PXDNL: variants seen among roughly 807,000 people sequenced by gnomAD.
PXDNL encodes peroxidasin like, also known as probable oxidoreductase PXDNL.
PXDNL carries 145 observed loss-of-function variants against 150.8 expected under a neutral mutation model. That is an observed-to-expected ratio of 0.96 (90% CI 0.84 to 1.10). The LOEUF (loss-of-function observed/expected upper bound fraction) is 1.10. Among genes scored for constraint, PXDNL ranks in the 50% least tolerant of loss-of-function variants. The pLI, the probability that PXDNL is intolerant of heterozygous loss-of-function variation, is 0.00. For synonymous variants in PXDNL, 757 were observed against 725.7 expected, an observed-to-expected ratio of 1.04 and a Z score of -0.69; for missense variants, 2,087 against 1,873.9, an observed-to-expected ratio of 1.11 and a Z score of -2.10.
At chr8:51,505,752 C>T (rs530899716) in intron 4 of PXDNL, among the ~76,000 whole-genome samples, 4 of 152,312 alleles carry the variant, frequency 2.6e-5, no homozygotes, top group East Asian at 1.9e-4. Flanking sequence ...AATCCTAGCA[C>T]ATGAAACAGA....
At chr8:51,642,674 G>A (rs1163736508) in intron 2 of PXDNL, among the ~76,000 whole-genome samples, 8 of 152,150 alleles carry the variant, frequency 5.3e-5, no homozygotes, top group East Asian at 1.9e-4. Context: ...TCAACATAGC[G>A]TTGGAAGTTC....
chr8:51,668,172 C>CTTTTTTT lies in PXDNL; in HGVS notation c.165-13413_165-13412insAAAAAAA, dbSNP rs765738861. ...CATAATACAAGGCTTCCTTCTCGCT[C>CTTTTTTT]TCTCTTTTTTTTTTTTTTTTTGAGA... On this transcript the variant is annotated intron_variant, in intron 1 of 22. Transcript: ENST00000356297. Among the ~76,000 whole-genome samples, 48 of 26,100 alleles carry CTTTTTTT rather than the reference C, an allele frequency of 1.8e-3. 1 individual carries two copies. The highest frequency in any genetic ancestry group is 7.3e-3 in the African/African-American group (35 of 4,794). The allele number at this position is 26,100 out of a possible 152,430, so 17.1% of individuals were successfully genotyped here. A position where few individuals can be genotyped will look rare whatever the true frequency, so the allele number is the denominator to read the frequency against.
chr8:51,608,098 CAAGCA>C (rs1813901200), intron 2 of PXDNL, among the ~76,000 whole-genome samples: 1 of 139,688 alleles, frequency 7.2e-6, no homozygotes, highest in South Asian at 2.2e-4. Flanking sequence ...AGCAAGCAAG[CAAGCA>C]AGCAAGCCGG....
intron 20 of PXDNL, 83 bp downstream of exon 20, chr8:51,345,750 A>G (rs1806131263): frequency 2.7e-6 from 2 of 737,610 alleles, no homozygotes; most frequent in Non-Finnish European, 4.6e-6. Context: ...TGTGGTCTCT[A>G]TTAAAAAAGA....
intron 20 of PXDNL, among the ~76,000 whole-genome samples, chr8:51,345,567 A>G (rs1806124190): frequency 6.6e-6 from 1 of 152,200 alleles, no homozygotes; most frequent in Admixed American, 6.5e-5. Flanking sequence ...CATTTAAGGG[A>G]TCAAAACTAG....
intron 1 of PXDNL, among the ~76,000 whole-genome samples, chr8:51,791,494 A>T (rs2037512889): frequency 6.6e-6 from 1 of 152,242 alleles, no homozygotes. Flanking sequence ...ACAGTCAGAG[A>T]GTACCCAGGG....
chr8:51,386,185 C>T (rs1489563414), intron 17 of PXDNL, among the ~76,000 whole-genome samples: 2 of 152,044 alleles, frequency 1.3e-5, no homozygotes, highest in Non-Finnish European at 2.9e-5. Context: ...CTCTGCCTCC[C>T]AGGTTCAAGC....
At chr8:51,329,833 A>T (rs762239126) in intron 21 of PXDNL, among the ~76,000 whole-genome samples, 1 of 152,178 alleles carries the variant, frequency 6.6e-6, no homozygotes, top group Non-Finnish European at 1.5e-5. Flanking sequence ...ATATAAAGAG[A>T]TTTACTATAA....
intron 14 of PXDNL, among the ~76,000 whole-genome samples, chr8:51,413,576 T>C (rs1354859265): frequency 6.6e-6 from 1 of 152,130 alleles, no homozygotes; most frequent in African/African-American, 2.4e-5. Context: ...CAATTTGTCA[T>C]CTTGGAGAAG....
chr8:51,534,044 GC>G (rs1811983903), intron 4 of PXDNL, among the ~76,000 whole-genome samples: 1 of 146,284 alleles, frequency 6.8e-6, no homozygotes, highest in Non-Finnish European at 1.5e-5. Flanking sequence ...AGCGAGGAGC[GC>G]CTCTTCCCCG....
chr8:51,355,661 T>C (rs1806484580), intron 19 of PXDNL, among the ~76,000 whole-genome samples: 1 of 152,198 alleles, frequency 6.6e-6, no homozygotes. Context: ...GCAAAGTCAA[T>C]TTTATCAGTA....
chr8:51,320,755 A>G (rs756164775), intron 22 of PXDNL, 29 bp downstream of exon 22: 5 of 1,372,414 alleles, frequency 3.6e-6, no homozygotes, highest in Non-Finnish European at 4.1e-6. Flanking sequence ...TGAAATGGGG[A>G]GTTGGACTGG....
intron 1 of PXDNL, among the ~76,000 whole-genome samples, chr8:51,757,776 A>G (rs948590531): frequency 1.3e-5 from 2 of 152,178 alleles, no homozygotes; most frequent in African/African-American, 4.8e-5. Context: ...TGTTTCAGGA[A>G]TTTAAAAATG....
At chr8:51,721,270 C>G (rs1426678852) in intron 1 of PXDNL, among the ~76,000 whole-genome samples, 1 of 152,154 alleles carries the variant, frequency 6.6e-6, no homozygotes, top group East Asian at 1.9e-4. Flanking sequence ...TTTAATTAGG[C>G]AAAGAACTCT....
chr8:51,611,419 C>A (rs546910215), intron 2 of PXDNL, among the ~76,000 whole-genome samples: 1 of 152,098 alleles, frequency 6.6e-6, no homozygotes, highest in East Asian at 1.9e-4. Context: ...TGTTTTAGAC[C>A]TTTTAAGGAG....
intron 1 of PXDNL, among the ~76,000 whole-genome samples, chr8:51,659,604 G>A (rs1168141448): frequency 3.3e-5 from 5 of 152,052 alleles, no homozygotes; most frequent in Admixed American, 6.5e-5. Context: ...GTTGGTCCCC[G>A]AGTTAACAGT....
chr8:51,763,783 CA>C (rs773982514), intron 1 of PXDNL, among the ~76,000 whole-genome samples: 9 of 151,782 alleles, frequency 5.9e-5, no homozygotes, highest in African/African-American at 1.5e-4. Context: ...TATTGACCTC[CA>C]AAAAAAATTA....
At chr8:51,651,310 G>C (rs6473633) in intron 2 of PXDNL, among the ~76,000 whole-genome samples, 2 of 152,116 alleles carry the variant, frequency 1.3e-5, no homozygotes, top group African/African-American at 4.8e-5. Context: ...AAACGTGAAT[G>C]TGGCAAAATG....
intron 1 of PXDNL, among the ~76,000 whole-genome samples, chr8:51,708,007 T>C (rs181143258): frequency 6.6e-6 from 1 of 152,314 alleles, no homozygotes; most frequent in East Asian, 1.9e-4. Context: ...GGTCAATAAA[T>C]AAATTGCATC....
Sources: allele counts gnomAD v4.1 joint callset (sites outside exome capture counted in the v4.1 genomes callset), GRCh38; gene constraint gnomAD v4.1.1; transcripts MANE v1.5; gene names NCBI Gene and HGNC (gene_info 2026-07-23, HGNC 2026-07-21).